The following TRIM2 variants were observed in gnomAD, a reference collection of about 807,000 sequenced individuals.
TRIM2 encodes the protein tripartite motif-containing protein 2.
In TRIM2, 20 loss-of-function variants were observed where a neutral mutation model predicts 75.2. That is an observed-to-expected ratio of 0.27 (90% CI 0.19 to 0.39). The LOEUF (loss-of-function observed/expected upper bound fraction) is 0.39. Among genes scored for constraint, TRIM2 ranks in the 10% least tolerant of loss-of-function variants. The pLI, the probability that TRIM2 is intolerant of heterozygous loss-of-function variation, is 1.00. For synonymous variants in TRIM2, 373 were observed against 388.3 expected (o/e 0.96, Z 0.46); for missense variants, 660 against 990.8 (o/e 0.67, Z 4.48).
At chr4:153,169,347 T>G (rs989067899) in intron 1 of TRIM2, among the ~76,000 whole-genome samples, 1 of 152,226 alleles carries the variant, frequency 6.6e-6, no homozygotes, top group Non-Finnish European at 1.5e-5. Flanking sequence ...CACACCATGC[T>G]TTAATGTACA....
In TRIM2 at chr4:153,337,023, T is replaced by TA; in HGVS notation, c.*2058dup. 1.0e-6 allele frequency: 1 copy of TA among 982,488 alleles called. No homozygotes were observed. The highest frequency in any genetic ancestry group is 1.2e-6 in the Non-Finnish European group (1 of 827,298). 60.9% of individuals were successfully genotyped at this position (982,488 alleles called of 1,614,324 possible). On this transcript the variant is annotated 3_prime_UTR_variant, in exon 12 of 12. Transcript: ENST00000338700. ...CAAGTACTCTTTTAGGCACTGGAAA[T>TA]ACAGTGATGGACAAAACAGGTAAAA... is the stretch of plus-strand genomic sequence containing the variant.
chr4:153,234,384 G>C (rs1381728771), intron 1 of TRIM2, among the ~76,000 whole-genome samples: 1 of 152,194 alleles, frequency 6.6e-6, no homozygotes. Context: ...TCAAGTTAGT[G>C]AGTTGCAGCC....
intron 8 of TRIM2, among the ~76,000 whole-genome samples, chr4:153,322,433 A>G (rs1769214943): frequency 6.6e-6 from 1 of 152,190 alleles, no homozygotes. Context: ...ATAAATAAAT[A>G]AAAGAATAAG....
chr4:153,336,510 G>A lies in TRIM2; in HGVS notation c.*1544G>A, dbSNP rs925165103. Reference sequence around the variant, plus strand: ...ATCTGTCATTGGTACTGTAAAATAAGCTGTGGTCTATTTCCACTGTTTAAT... The same window carrying A: ...ATCTGTCATTGGTACTGTAAAATAAACTGTGGTCTATTTCCACTGTTTAAT... On this transcript the variant is annotated 3_prime_UTR_variant, in exon 12 of 12. Transcript: ENST00000338700. 4.1e-6 allele frequency: 4 copies of A among 985,610 alleles called. No homozygotes were observed. The African/African-American group carries it at 7.0e-5, about 17-fold the overall frequency. The allele number at this position is 985,610 out of a possible 1,614,324, so 61.1% of individuals were successfully genotyped here.
At chr4:153,223,001 AGC>A (rs1741058032) in intron 1 of TRIM2, 1 of 152,164 alleles carries the variant, frequency 6.6e-6, no homozygotes, top group Non-Finnish European at 1.5e-5. Context: ...GCCACTCCGG[AGC>A]GCGCGCTGTT....
Position 153,338,350 on chromosome 4 carries a change from T to C in TRIM2, c.*3384T>C. 1 of 985,820 alleles carries C rather than the reference T, an allele frequency of 1.0e-6. No homozygotes were observed. Among genetic ancestry groups the C allele is most frequent in the Non-Finnish European group, 1.2e-6 (1 of 829,924 alleles). The allele number at this position is 985,820 out of a possible 1,614,324, so 61.1% of individuals were successfully genotyped here. A position where few individuals can be genotyped will look rare whatever the true frequency, so the allele number is the denominator to read the frequency against. ...TTTGTAGACTCTATAGTACCCTCTC[T>C]ATTCACTAGCTTCTGAAAAGGGAGG... On this transcript the variant is annotated 3_prime_UTR_variant, in exon 12 of 12. Coordinates refer to ENST00000338700, the MANE Select transcript of TRIM2 (RefSeq NM_015271.5).
At chr4:153,327,710 C>A (rs1770555165) in intron 10 of TRIM2, among the ~76,000 whole-genome samples, 1 of 152,164 alleles carries the variant, frequency 6.6e-6, no homozygotes. Flanking sequence ...TAGTAGCACT[C>A]TATTAATAAG....
intron 3 of TRIM2, among the ~76,000 whole-genome samples, chr4:153,288,452 A>G (rs1579367468): frequency 6.6e-6 from 1 of 152,060 alleles, no homozygotes; most frequent in Admixed American, 6.6e-5. Context: ...AAGAAAAAAA[A>G]TCTGCTTATG....
At chr4:153,189,119 A>G (rs549142021) in intron 1 of TRIM2, among the ~76,000 whole-genome samples, 1 of 152,312 alleles carries the variant, frequency 6.6e-6, no homozygotes, top group South Asian at 2.1e-4. Context: ...CCAAAATGCT[A>G]TAATCACAGG....
intron 2 of TRIM2, among the ~76,000 whole-genome samples, chr4:153,273,270 C>CATTTTTTTTTTTTTTTTTTTTTTTTTTT (rs1757187818): frequency 1.7e-5 from 1 of 57,390 alleles, no homozygotes; most frequent in African/African-American, 7.0e-5. Context: ...TACAGTCACT[C>CATTTTTTTTTTTTTTTTTTTTTTTTTTT]TTTTTTTTTT....
intron 10 of TRIM2, among the ~76,000 whole-genome samples, chr4:153,326,339 A>AT (rs1344381304): frequency 6.6e-6 from 1 of 152,054 alleles, no homozygotes; most frequent in Admixed American, 6.5e-5. Flanking sequence ...TTTAAACTCA[A>AT]TTTTCTTCTT....
chr4:153,177,523 G>A (rs999939872), intron 1 of TRIM2, among the ~76,000 whole-genome samples: 1 of 152,110 alleles, frequency 6.6e-6, no homozygotes, highest in Non-Finnish European at 1.5e-5. Context: ...GCACATGCCT[G>A]TAATCCCAGC....
At chr4:153,329,679 T>C (rs1239823285) in intron 11 of TRIM2, among the ~76,000 whole-genome samples, 1 of 151,374 alleles carries the variant, frequency 6.6e-6, no homozygotes, top group Non-Finnish European at 1.5e-5. Flanking sequence ...CTACTAAAAA[T>C]ACAAAAAATT....
chr4:153,169,475 T>A (rs1407279134), intron 1 of TRIM2, among the ~76,000 whole-genome samples: 3 of 152,248 alleles, frequency 2.0e-5, no homozygotes, highest in Non-Finnish European at 4.4e-5. Context: ...CTTCTTATGA[T>A]GATCTACCTT....
intron 1 of TRIM2, among the ~76,000 whole-genome samples, chr4:153,177,819 T>C (rs1406578355): frequency 2.0e-5 from 3 of 151,420 alleles, no homozygotes; most frequent in South Asian, 2.1e-4. Flanking sequence ...CCTCTCTTCC[T>C]TGATGGAGTC....
At chr4:153,209,528 G>A in intron 1 of TRIM2, among the ~76,000 whole-genome samples, 1 of 152,168 alleles carries the variant, frequency 6.6e-6, no homozygotes. Context: ...TTAACTACCA[G>A]GTGTATTTGC....
rs757518417 is a variant in TRIM2, at chr4:153,276,052, T to C, written c.375T>C (p.Ala125=). The change falls in exon 3 of 12, where the codon GCT becomes GCC. Residue 125 remains alanine, a synonymous_variant. Transcript: ENST00000338700. The part of the protein sequence containing the change: ...DVLQRTPGSN[A]EESSILETVT... ...TGCAGCGAACTCCAGGCAGCAACGC[T>C]GAGGAGTCTTCCATCCTGGAGACAG... is the stretch of plus-strand genomic sequence containing the variant. 1 of 1,614,120 alleles carries C rather than the reference T, an allele frequency of 6.2e-7. No homozygotes were observed. Among genetic ancestry groups the C allele is most frequent in the Non-Finnish European group, 8.5e-7 (1 of 1,180,052 alleles).
At chr4:153,253,380 C>T (rs927541301) in intron 1 of TRIM2, among the ~76,000 whole-genome samples, 2 of 152,150 alleles carry the variant, frequency 1.3e-5, no homozygotes, top group South Asian at 2.1e-4. Flanking sequence ...TTAGTAGTTA[C>T]CCACCCCCAC....
At chr4:153,283,819 G>A (rs530069513) in intron 3 of TRIM2, among the ~76,000 whole-genome samples, 1 of 135,850 alleles carries the variant, frequency 7.4e-6, no homozygotes, top group East Asian at 2.3e-4. Flanking sequence ...TGTATTTTTA[G>A]TAGAGACGGG....
Sources: allele counts gnomAD v4.1 joint callset (sites outside exome capture counted in the v4.1 genomes callset), GRCh38; gene constraint gnomAD v4.1.1; transcripts MANE v1.5; gene names NCBI Gene and HGNC (gene_info 2026-07-23, HGNC 2026-07-21).